Variants in DENND5B observed in about 807,000 individuals in gnomAD.
The protein encoded by DENND5B is DENN domain-containing protein 5B.
Under a neutral mutation model 140.6 loss-of-function variants are expected in DENND5B, and 34 were observed. That is an observed-to-expected ratio of 0.24 (90% CI 0.18 to 0.32). The LOEUF is 0.32. Ranked by LOEUF, DENND5B falls within the 10% of genes least tolerant of loss-of-function variation. The probability of loss-of-function intolerance (pLI) is 1.00; values close to 1 mark genes in which losing one functional copy is unlikely to be tolerated. For synonymous variants in DENND5B, 551 were observed against 562.1 expected, an observed-to-expected ratio of 0.98 and a Z score of 0.28; for missense variants, 1,142 against 1,560.2, an observed-to-expected ratio of 0.73 and a Z score of 4.52.
At chr12:31,496,821 CCTA>C (rs1187404593) in intron 1 of DENND5B, among the ~76,000 whole-genome samples, 54 of 151,796 alleles carry the variant, frequency 3.6e-4, no homozygotes, top group African/African-American at 1.2e-3. Flanking sequence ...ACCTATTATC[CCTA>C]AATGTTTTAG....
In DENND5B at chr12:31,385,211, G is replaced by A. The variant is rs1278863710; in HGVS notation, c.*2392C>T. 2.6e-5 allele frequency: 4 copies of A among 152,178 alleles called. No individual in the cohort carries two copies. The highest frequency in any genetic ancestry group is 4.4e-5 in the Non-Finnish European group (3 of 68,040). 9.4% of individuals were successfully genotyped at this position (152,178 alleles called of 1,614,324 possible). ...TAGGTGGATGAATAAAGATCCAATA[G>A]TATAATAGAAAGACTATTAGTAAGA... On this transcript the variant is annotated 3_prime_UTR_variant, in exon 21 of 21. Transcript: ENST00000389082.
At position 31,538,885 on chromosome 12, in the gene DENND5B, C is replaced by T. The variant is rs376183638; in HGVS notation, c.128-42966G>A. ...TTTCATCTCAAAATACAAAACAAAA[C>T]AAAAAATAAAGATCAGAGCAGAAAT... On this transcript the variant is annotated intron_variant, in intron 1 of 20. Coordinates refer to ENST00000389082, the MANE Select transcript of DENND5B (RefSeq NM_144973.4). Among the ~76,000 whole-genome samples, 15 of 144,500 alleles carry T rather than the reference C, an allele frequency of 1.0e-4. No individual in the cohort carries two copies. In the East Asian group the frequency reaches 2.9e-3, roughly 27 times the overall value. The allele number at this position is 144,500 out of a possible 152,430, so 94.8% of individuals were successfully genotyped here.
chr12:31,429,496 C>T (rs558584525), intron 8 of DENND5B, among the ~76,000 whole-genome samples: 1 of 152,168 alleles, frequency 6.6e-6, no homozygotes, highest in Non-Finnish European at 1.5e-5. Flanking sequence ...ACAAACTCCG[C>T]CTCCTGGGTT....
intron 1 of DENND5B, among the ~76,000 whole-genome samples, chr12:31,503,366 C>T (rs951037743): frequency 6.6e-6 from 1 of 152,018 alleles, no homozygotes; most frequent in African/African-American, 2.4e-5. Context: ...TTGAGACCAG[C>T]CTAGGCAACA....
intron 8 of DENND5B, 29 bp from the exon 9 acceptor site, chr12:31,426,453 G>T: frequency 6.3e-7 from 1 of 1,592,776 alleles, no homozygotes; most frequent in South Asian, 1.1e-5. Context: ...TTTTTAATGC[G>T]TAAACATTAG....
chr12:31,420,709 G>A (rs1347012809), intron 11 of DENND5B, among the ~76,000 whole-genome samples: 1 of 152,064 alleles, frequency 6.6e-6, no homozygotes, highest in Non-Finnish European at 1.5e-5. Flanking sequence ...CTCCCACAGT[G>A]CTGGAATTAC....
rs1160654348 is a variant in DENND5B, at chr12:31,386,505, A to C, written c.*1098T>G. On this transcript the variant is annotated 3_prime_UTR_variant, in exon 21 of 21. Transcript: ENST00000389082. ...ACAAAGGAACGTAAAGCTTGCCCTG[A>C]AACACCCAGAAAGGGTTCATTCTCT... The C allele has an allele frequency of 6.6e-6, 1 of 152,228 alleles. No homozygotes were observed. Among genetic ancestry groups the C allele is most frequent in the African/African-American group, 2.4e-5 (1 of 41,446 alleles). 9.4% of individuals were successfully genotyped at this position (152,228 alleles called of 1,614,324 possible).
At chr12:31,586,305 A>G (rs947752408) in intron 1 of DENND5B, among the ~76,000 whole-genome samples, 2 of 152,194 alleles carry the variant, frequency 1.3e-5, no homozygotes, top group Admixed American at 1.3e-4. Context: ...CTTATCTTTA[A>G]TATTTAAAGG....
In DENND5B at chr12:31,479,839, C is replaced by G. The variant is rs746905806; in HGVS notation, c.654G>C (p.Gln218His). Residue 218 changes from glutamine (Q) to histidine (H), a missense_variant, in exon 3 of 21, where the codon CAG becomes CAC. Transcript: ENST00000389082. Reference sequence around the variant, plus strand: ...TTTCAAGTGGCAAGGGTGGTGGCTGCTGTGAGGTAACAGCCTTGTAAAGCT... The same window carrying G: ...TTTCAAGTGGCAAGGGTGGTGGCTGGTGTGAGGTAACAGCCTTGTAAAGCT... ...LIQLYKAVTS[Q>H]QPPPLPLESY... 6.2e-7 allele frequency: 1 copy of G among 1,613,902 alleles called. No individual in the cohort carries two copies.
chr12:31,555,059 G>A (rs994630475), intron 1 of DENND5B, among the ~76,000 whole-genome samples: 8 of 152,030 alleles, frequency 5.3e-5, no homozygotes, highest in African/African-American at 1.4e-4. Context: ...CTCTCAACTC[G>A]TCAGTCATTC....
intron 3 of DENND5B, among the ~76,000 whole-genome samples, chr12:31,475,661 G>A (rs1302986726): frequency 6.6e-6 from 1 of 151,648 alleles, no homozygotes; most frequent in Non-Finnish European, 1.5e-5. Flanking sequence ...AGGGGTGAAG[G>A]TTGCTTGAGC....
At chr12:31,429,224 G>T (rs1029744400) in intron 8 of DENND5B, among the ~76,000 whole-genome samples, 1 of 152,080 alleles carries the variant, frequency 6.6e-6, no homozygotes, top group South Asian at 2.1e-4. Context: ...GGTCAGGCTG[G>T]TCTCAAACTC....
chr12:31,477,340 A>T (rs1375249288), intron 3 of DENND5B, among the ~76,000 whole-genome samples: 14 of 152,216 alleles, frequency 9.2e-5, no homozygotes, highest in Admixed American at 9.2e-4. Context: ...TCAGGGAAAT[A>T]AAAGGAAGAA....
At chr12:31,513,887 GA>G (rs1947519179) in intron 1 of DENND5B, among the ~76,000 whole-genome samples, 1 of 151,258 alleles carries the variant, frequency 6.6e-6, no homozygotes, top group Non-Finnish European at 1.5e-5. Flanking sequence ...ACCCAGGCTG[GA>G]ATGCAGTAGC....
chr12:31,432,845 C>A (rs1453423837), intron 8 of DENND5B: 1 of 250,808 alleles, frequency 4.0e-6, no homozygotes. Context: ...GTCTAGGCTT[C>A]TCATGCAGAC....
intron 1 of DENND5B, among the ~76,000 whole-genome samples, chr12:31,516,214 C>T (rs1947637836): frequency 6.6e-6 from 1 of 152,012 alleles, no homozygotes; most frequent in South Asian, 2.1e-4. Flanking sequence ...GGCACGGTGG[C>T]TCGCGTCTGT....
At chr12:31,585,406 A>G (rs966832149) in intron 1 of DENND5B, among the ~76,000 whole-genome samples, 3 of 152,228 alleles carry the variant, frequency 2.0e-5, no homozygotes, top group Non-Finnish European at 4.4e-5. Context: ...TTCTATCCCA[A>G]TTAAGCCTAT....
chr12:31,455,948 G>C (rs1411995045), intron 4 of DENND5B, among the ~76,000 whole-genome samples: 1 of 152,160 alleles, frequency 6.6e-6, no homozygotes, highest in Non-Finnish European at 1.5e-5. Context: ...GAACCCAGGA[G>C]GCAGAGGTTG....
chr12:31,557,446 A>G (rs1949325667), intron 1 of DENND5B, among the ~76,000 whole-genome samples: 1 of 151,954 alleles, frequency 6.6e-6, no homozygotes, highest in South Asian at 2.1e-4. Flanking sequence ...TGGCATGCTC[A>G]TGGCTCCCTG....
Sources: gnomAD v4.1 joint callset for allele counts (sites outside exome capture counted in the v4.1 genomes callset) on GRCh38, gnomAD v4.1.1 for gene constraint, MANE v1.5 for transcripts, NCBI Gene and HGNC (gene_info 2026-07-23, HGNC 2026-07-21) for gene names.